The following ZPLD1 variants were observed in gnomAD, a reference collection of about 807,000 sequenced individuals.
ZPLD1 encodes the protein zona pellucida-like domain-containing protein 1.
Under a neutral mutation model 47.2 loss-of-function variants are expected in ZPLD1, and 34 were observed. That is an observed-to-expected ratio of 0.72 (90% CI 0.55 to 0.96). The LOEUF (loss-of-function observed/expected upper bound fraction) is 0.96, where lower values mean the gene tolerates loss of function less well. Ranked by LOEUF, ZPLD1 falls within the 40% of genes least tolerant of loss-of-function variation. ZPLD1 has a pLI of 0.00. For missense variants in ZPLD1, 512 were observed against 505.8 expected (o/e 1.01, Z -0.12); for synonymous variants, 176 against 186.2 (o/e 0.95, Z 0.45).
intron 6 of ZPLD1, among the ~76,000 whole-genome samples, chr3:102,459,390 T>C (rs1005067386): frequency 6.6e-6 from 1 of 152,136 alleles, no homozygotes; most frequent in Non-Finnish European, 1.5e-5. Flanking sequence ...TGACATGTAA[T>C]GATACTATTA....
chr3:102,432,641 G>A (rs1707030012), upstream of ZPLD1, among the ~76,000 whole-genome samples: 3 of 152,064 alleles, frequency 2.0e-5, no homozygotes, highest in Non-Finnish European at 2.9e-5. Context: ...TCAGGTCACA[G>A]GGGTGCTATT....
rs1395510708 is a variant in ZPLD1 at position 102,477,009 on chromosome 3, C to T, written c.1043-3C>T. On this transcript the variant is annotated splice_polypyrimidine_tract_variant and splice_region_variant and intron_variant, in intron 10 of 11. Transcript: ENST00000466937. Reference sequence around the variant, plus strand: ...CTTCTCTTTTTCTGTTTTTTCCCCTCAGATGAGACTCCAACCAACAATTCG... The same window carrying T: ...CTTCTCTTTTTCTGTTTTTTCCCCTTAGATGAGACTCCAACCAACAATTCG... 6.2e-7 allele frequency: 1 copy of T among 1,613,162 alleles called. No homozygotes were observed. The highest frequency in any genetic ancestry group is 1.7e-5 in the Admixed American group (1 of 59,940).
At chr3:102,398,230 A>G (rs1706578908) in intron 7 of ZPLD1, among the ~76,000 whole-genome samples, 1 of 152,136 alleles carries the variant, frequency 6.6e-6, no homozygotes, top group Non-Finnish European at 1.5e-5. Flanking sequence ...CCTTTGGTAT[A>G]TTATTTATCT....
At chr3:102,394,478 A>G (rs1449482925) in intron 7 of ZPLD1, among the ~76,000 whole-genome samples, 1 of 152,198 alleles carries the variant, frequency 6.6e-6, no homozygotes, top group Non-Finnish European at 1.5e-5. Flanking sequence ...TTAAATTGGT[A>G]ACTTTAAAAG....
intron 7 of ZPLD1, among the ~76,000 whole-genome samples, chr3:102,392,780 G>A (rs531518828): frequency 6.6e-6 from 1 of 152,174 alleles, no homozygotes; most frequent in South Asian, 2.1e-4. Context: ...TTTTGGAGGG[G>A]ACAAATATTC....
At chr3:102,462,177 T>C (rs1348715306) in intron 6 of ZPLD1, 104 bp from the exon 7 acceptor site, 2 of 673,408 alleles carry the variant, frequency 3.0e-6, no homozygotes, top group Non-Finnish European at 4.9e-6. Flanking sequence ...TGTAGGTTTA[T>C]GTTGATTTAC....
intron 3 of ZPLD1, among the ~76,000 whole-genome samples, chr3:102,440,923 C>A (rs191089970): frequency 6.6e-6 from 1 of 151,742 alleles, no homozygotes; most frequent in Non-Finnish European, 1.5e-5. Flanking sequence ...AAGAAAATAC[C>A]GAAGCAATCA....
chr3:102,464,297 T>C (rs776509404), intron 8 of ZPLD1, 46 bp downstream of exon 8: 5 of 1,269,610 alleles, frequency 3.9e-6, no homozygotes, highest in East Asian at 2.3e-5. Context: ...AATGACCCAG[T>C]TGTAGATAAT....
At chr3:102,451,381 A>G (rs1707334535) in intron 3 of ZPLD1, among the ~76,000 whole-genome samples, 1 of 152,208 alleles carries the variant, frequency 6.6e-6, no homozygotes, top group South Asian at 2.1e-4. Context: ...TCTTTTGGAC[A>G]ATCAAGGTCA....
chr3:102,422,811 A>C (rs1706896334), intron 8 of ZPLD1, among the ~76,000 whole-genome samples: 1 of 147,216 alleles, frequency 6.8e-6, no homozygotes, highest in Admixed American at 6.8e-5. Flanking sequence ...GCAGATAGGA[A>C]CTTTTTGTTG....
At chr3:102,444,527 G>T (rs1201347779) in intron 3 of ZPLD1, among the ~76,000 whole-genome samples, 1 of 152,134 alleles carries the variant, frequency 6.6e-6, no homozygotes, top group East Asian at 1.9e-4. Flanking sequence ...TTTCAAAAAT[G>T]AATTAAAACA....
intron 6 of ZPLD1, among the ~76,000 whole-genome samples, chr3:102,389,574 G>A (rs1429682002): frequency 6.6e-6 from 1 of 152,088 alleles, no homozygotes; most frequent in African/African-American, 2.4e-5. Context: ...GTAGTACCAT[G>A]GCAGCATGTT....
In ZPLD1 at chr3:102,396,714, C is replaced by T. The variant is rs139625176; in HGVS notation, c.-157+4489C>T. 2.7e-3 allele frequency among the ~76,000 whole-genome samples: 413 copies of T among 152,228 alleles called. 1 individual carries two copies. The highest frequency in any genetic ancestry group is 9.5e-3 in the African/African-American group (393 of 41,536). On this transcript the variant is annotated intron_variant, in intron 7 of 17. Transcript: ENST00000491959. ...CAGCATTCAGATGGAGTGGTGCTGG[C>T]TAAAGCCTGAGCCTTTGACCACGGC... is the stretch of plus-strand genomic sequence containing the variant.
intron 3 of ZPLD1, among the ~76,000 whole-genome samples, chr3:102,450,647 G>A (rs146728773): frequency 1.3e-5 from 2 of 152,118 alleles, no homozygotes; most frequent in Non-Finnish European, 2.9e-5. Context: ...AGGATGACAC[G>A]ACTGGATTAA....
intron 3 of ZPLD1, among the ~76,000 whole-genome samples, chr3:102,450,832 A>G (rs1707326869): frequency 6.6e-6 from 1 of 152,224 alleles, no homozygotes; most frequent in Non-Finnish European, 1.5e-5. Context: ...ATACTCATAA[A>G]CATTTATTAA....
chr3:102,409,992 A>G (rs957246612), intron 7 of ZPLD1, among the ~76,000 whole-genome samples: 1 of 151,774 alleles, frequency 6.6e-6, no homozygotes, highest in African/African-American at 2.4e-5. Context: ...TTTTGCACAA[A>G]TTATTCTTGA....
At position 102,477,449 on chromosome 3, in the gene ZPLD1, C is replaced by A. The variant is rs1707775116; in HGVS notation, c.1079C>A (p.Pro360Gln). The change falls in exon 12 of 12, where the codon CCA becomes CAA. Residue 360 changes from proline (P) to glutamine (Q), a missense_variant. Physicochemically the swap from Pro to Gln is moderately conservative, Grantham distance 76. Coordinates refer to ENST00000466937, the MANE Select transcript of ZPLD1 (RefSeq NM_001329788.2). ...TGTGTTTTATTATTTGCAGGTTCTC[C>A]AAGTATGCCTCCCTTCCAGCTGAAC... ...TPTNNSQLGS[P>Q]SMPPFQLNAI... is the part of the protein sequence containing the mutation. 6.2e-7 allele frequency: 1 copy of A among 1,611,096 alleles called. No individual in the cohort carries two copies. Among genetic ancestry groups the A allele is most frequent in the Non-Finnish European group, 8.5e-7 (1 of 1,178,924 alleles).
chr3:102,404,175 A>G (rs571521616), intron 7 of ZPLD1, among the ~76,000 whole-genome samples: 1 of 152,110 alleles, frequency 6.6e-6, no homozygotes, highest in African/African-American at 2.4e-5. Flanking sequence ...AATGATGTCT[A>G]CAATCTCACC....
intron 8 of ZPLD1, among the ~76,000 whole-genome samples, chr3:102,464,986 C>T (rs1338224680): frequency 6.6e-6 from 1 of 152,084 alleles, no homozygotes; most frequent in Non-Finnish European, 1.5e-5. Flanking sequence ...TAATGGGAAA[C>T]CAAAAGAATA....
Sources: gnomAD v4.1 joint callset for allele counts (sites outside exome capture counted in the v4.1 genomes callset) on GRCh38, gnomAD v4.1.1 for gene constraint, MANE v1.5 for transcripts, NCBI Gene and HGNC (gene_info 2026-07-23, HGNC 2026-07-21) for gene names.